The following CLASP2 variants were observed in gnomAD, a reference collection of about 807,000 sequenced individuals.
CLASP2 encodes the protein CLIP-associating protein 2.
CLASP2 carries 47 observed loss-of-function variants against 194.4 expected under a neutral mutation model. The ratio of observed to expected loss-of-function variants is 0.24; its 90% CI spans 0.19 to 0.31. The LOEUF (loss-of-function observed/expected upper bound fraction) is 0.31, where lower values mean the gene tolerates loss of function less well. Ranked by LOEUF, CLASP2 falls within the 10% of genes least tolerant of loss-of-function variation. The pLI, the probability that CLASP2 is intolerant of heterozygous loss-of-function variation, is 1.00. For missense variants in CLASP2, 1,445 were observed against 1,823.6 expected, an observed-to-expected ratio of 0.79 and a Z score of 3.78; for synonymous variants, 619 against 633.5, an observed-to-expected ratio of 0.98 and a Z score of 0.34.
intron 11 of CLASP2, among the ~76,000 whole-genome samples, chr3:33,621,111 T>TCA (rs1481352210): frequency 6.6e-6 from 1 of 151,944 alleles, no homozygotes; most frequent in Non-Finnish European, 1.5e-5. Context: ...AACTCTAGTC[T>TCA]CTGTTTCCTC....
At chr3:33,631,395 G>C (rs2079053295) in intron 9 of CLASP2, among the ~76,000 whole-genome samples, 1 of 152,058 alleles carries the variant, frequency 6.6e-6, no homozygotes, top group Admixed American at 6.6e-5. Context: ...AAGGACATAT[G>C]TACAAAAATA....
intron 1 of CLASP2, among the ~76,000 whole-genome samples, chr3:33,705,376 T>A (rs534814748): frequency 8.5e-5 from 13 of 152,246 alleles, no homozygotes; most frequent in Non-Finnish European, 4.4e-5. Context: ...TAGTGGTAGC[T>A]TAGGACTAGG....
At chr3:33,537,727 T>C (rs371058071) in intron 33 of CLASP2, among the ~76,000 whole-genome samples, 3 of 152,226 alleles carry the variant, frequency 2.0e-5, no homozygotes, top group South Asian at 2.1e-4. Flanking sequence ...TGCCACATTA[T>C]TAAAAAAACA....
At chr3:33,553,421 T>C (rs542255215) in intron 29 of CLASP2, among the ~76,000 whole-genome samples, 7 of 152,208 alleles carry the variant, frequency 4.6e-5, no homozygotes, top group Admixed American at 1.3e-4. Context: ...AACTACAAAA[T>C]GGGAGAAAAT....
chr3:33,607,261 T>C (rs2074075679), intron 15 of CLASP2, 123 bp downstream of exon 15: 1 of 624,534 alleles, frequency 1.6e-6, no homozygotes. Context: ...GAAAAAACAA[T>C]CTTAATTTTA....
At chr3:33,517,315 ATCT>A (rs2051601937) in intron 34 of CLASP2, 141 bp from the exon 35 acceptor site, 1 of 650,808 alleles carries the variant, frequency 1.5e-6, no homozygotes, top group South Asian at 2.9e-5. Flanking sequence ...ACATTAAGTA[ATCT>A]TCTTTTCAAT....
chr3:33,631,782 T>G (rs2079130426), intron 9 of CLASP2, among the ~76,000 whole-genome samples: 1 of 151,444 alleles, frequency 6.6e-6, no homozygotes, highest in South Asian at 2.1e-4. Context: ...GGTCTGTACA[T>G]ACAATAGAAT....
intron 6 of CLASP2, among the ~76,000 whole-genome samples, chr3:33,668,437 G>A (rs2086580103): frequency 1.3e-5 from 2 of 152,128 alleles, no homozygotes; most frequent in Non-Finnish European, 2.9e-5. Flanking sequence ...ATTAAAGTTA[G>A]AATTTGATCA....
At chr3:33,682,027 A>G (rs2089936132) in intron 6 of CLASP2, among the ~76,000 whole-genome samples, 2 of 147,190 alleles carry the variant, frequency 1.4e-5, no homozygotes, top group Non-Finnish European at 1.5e-5. Flanking sequence ...CACTGTGAGT[A>G]GAAGCTGTGA....
chr3:33,623,688 A>T (rs2077494833), intron 10 of CLASP2, among the ~76,000 whole-genome samples: 1 of 152,194 alleles, frequency 6.6e-6, no homozygotes, highest in Non-Finnish European at 1.5e-5. Flanking sequence ...ATGGACATTT[A>T]GGTATATTCC....
intron 6 of CLASP2, among the ~76,000 whole-genome samples, chr3:33,672,339 T>C (rs1263303782): frequency 2.0e-5 from 3 of 152,246 alleles, no homozygotes; most frequent in Non-Finnish European, 4.4e-5. Flanking sequence ...AAACAGGGTC[T>C]GGAGTGGACC....
At chr3:33,667,490 G>A (rs1013537678) in intron 6 of CLASP2, among the ~76,000 whole-genome samples, 3 of 148,040 alleles carry the variant, frequency 2.0e-5, no homozygotes, top group Non-Finnish European at 3.0e-5. Flanking sequence ...TCTTGATGGC[G>A]TTCCTTGAAG....
intron 32 of CLASP2, among the ~76,000 whole-genome samples, chr3:33,540,410 A>C (rs1307434906): frequency 2.0e-5 from 3 of 151,334 alleles, no homozygotes; most frequent in Non-Finnish European, 4.4e-5. Context: ...CTGATTTAAA[A>C]AAATTTTTTT....
rs565983882 is a variant in CLASP2 at position 33,613,263 on chromosome 3, C to T, written c.1318-1192G>A. ...AATTGAACTGTGATACAGCCCAAGG[C>T]TATCTTTGCCCAAAACCATTACGAA... On this transcript the variant is annotated intron_variant, in intron 12 of 38. Coordinates refer to ENST00000682230, the MANE Select transcript of CLASP2 (RefSeq NM_001365631.1). Among the ~76,000 whole-genome samples the T allele has an allele frequency of 3.9e-5, 6 of 152,288 alleles. No individual in the cohort carries two copies. The South Asian group carries it at 1.2e-3, about 32-fold the overall frequency.
chr3:33,514,734 G>C, intron 36 of CLASP2: 1 of 280,194 alleles, frequency 3.6e-6, no homozygotes, highest in Non-Finnish European at 7.4e-6. Flanking sequence ...GGTGTTTATA[G>C]CAGCACAATT....
At position 33,603,023 on chromosome 3, in the gene CLASP2, G is replaced by A; in HGVS notation, c.1853C>T (p.Ala618Val). The change falls in exon 18 of 39, where the codon GCT (alanine) becomes GTT (valine). Residue 618 changes from alanine (A) to valine (V), a missense_variant. Ala to Val is a moderately conservative substitution (Grantham distance 64). This residue lies in a region of CLASP2 where 174 missense variants were observed against 179.0 expected (regional missense o/e 0.97). Coordinates refer to ENST00000682230, the MANE Select transcript of CLASP2 (RefSeq NM_001365631.1). ...CCCGCTTCGCACAGACTGTCCAGCA[G>A]CATGATGTGCCTTGGCACCTGCAGC... The part of the protein sequence containing the change: ...NAAAGAKAHH[A>V]AGQSVRSGRL... The A allele has an allele frequency of 1.9e-6, 3 of 1,608,354 alleles. No individual in the cohort carries two copies. The highest frequency in any genetic ancestry group is 2.5e-6 in the Non-Finnish European group (3 of 1,177,206).
chr3:33,562,107 T>C (rs1305021265), intron 27 of CLASP2, among the ~76,000 whole-genome samples: 1 of 152,210 alleles, frequency 6.6e-6, no homozygotes. Context: ...ACATTTAAAC[T>C]GAGTTAAAAA....
chr3:33,718,213 C>G lies in CLASP2; in HGVS notation c.-211G>C, dbSNP rs1027061639. Reference sequence around the variant, plus strand: ...ACTCGGCGCCCCCCGATCCCCAGCCCGCTTCAGAGGCCGCGGCCGCGGGCG... The same window carrying G: ...ACTCGGCGCCCCCCGATCCCCAGCCGGCTTCAGAGGCCGCGGCCGCGGGCG... On this transcript the variant is annotated 5_prime_UTR_variant, in exon 1 of 39. Coordinates refer to ENST00000682230, the MANE Select transcript of CLASP2 (RefSeq NM_001365631.1). 3.2e-6 allele frequency: 1 copy of G among 312,596 alleles called. No homozygotes were observed. The highest frequency in any genetic ancestry group is 5.8e-6 in the Non-Finnish European group (1 of 172,092). 19.4% of individuals were successfully genotyped at this position (312,596 alleles called of 1,614,324 possible).
At chr3:33,538,659 C>T in intron 33 of CLASP2, 130 bp downstream of exon 33, 1 of 656,240 alleles carries the variant, frequency 1.5e-6, no homozygotes, top group Non-Finnish European at 2.4e-6. Flanking sequence ...GGTAGATACT[C>T]AGTAAATACT....
Sources: allele counts gnomAD v4.1 joint callset (sites outside exome capture counted in the v4.1 genomes callset), GRCh38; gene constraint gnomAD v4.1.1; regional missense constraint gnomAD v4.1.1; transcripts MANE v1.5; gene names NCBI Gene and HGNC (gene_info 2026-07-23, HGNC 2026-07-21).